The following DLG2 variants were observed in gnomAD, a reference collection of about 807,000 sequenced individuals.
DLG2 encodes the protein disks large homolog 2.
DLG2 carries 45 observed loss-of-function variants against 132.5 expected under a neutral mutation model. The observed-to-expected ratio is 0.34, with a 90% CI of 0.27 to 0.44. The LOEUF (loss-of-function observed/expected upper bound fraction) is 0.44, where lower values mean the gene tolerates loss of function less well. Ranked by LOEUF, DLG2 falls within the 20% of genes least tolerant of loss-of-function variation. The pLI is 1.00. For synonymous variants in DLG2, 424 were observed against 419.6 expected, an observed-to-expected ratio of 1.01 and a Z score of -0.13; for missense variants, 1,045 against 1,196.9, an observed-to-expected ratio of 0.87 and a Z score of 1.87.
intron 18 of DLG2, among the ~76,000 whole-genome samples, chr11:83,715,102 T>C (rs1032936633): frequency 3.3e-5 from 5 of 152,098 alleles, no homozygotes; most frequent in African/African-American, 1.2e-4. Context: ...TGAGTTCATG[T>C]CCTTGCAAGG....
chr11:85,217,082 A>G lies in DLG2; in HGVS notation c.187-62431T>C, dbSNP rs2082663548. ...ACTTTTAAATATTTTATTTCATTTT[A>G]TCCCCAAAACAATATTGTGATATTG... On this transcript the variant is annotated intron_variant, in intron 4 of 27. Coordinates refer to ENST00000376104, the MANE Select transcript of DLG2 (RefSeq NM_001142699.3). Among the ~76,000 whole-genome samples the G allele has an allele frequency of 3.9e-5, 6 of 152,130 alleles. No homozygotes were observed. The South Asian group carries it at 1.2e-3, about 32-fold the overall frequency.
intron 6 of DLG2, among the ~76,000 whole-genome samples, chr11:84,677,575 CTA>C: frequency 6.6e-6 from 1 of 152,130 alleles, no homozygotes; most frequent in African/African-American, 2.4e-5. Context: ...TTACAAAACA[CTA>C]TATCAGTTCA....
intron 6 of DLG2, among the ~76,000 whole-genome samples, chr11:84,655,730 T>G (rs954282631): frequency 6.8e-6 from 1 of 146,136 alleles, no homozygotes; most frequent in Non-Finnish European, 1.5e-5. Context: ...CTTTGTTTTT[T>G]TTTGTTTGTT....
chr11:85,203,986 C>T (rs1382946662), intron 4 of DLG2, among the ~76,000 whole-genome samples: 2 of 152,072 alleles, frequency 1.3e-5, no homozygotes, highest in East Asian at 3.8e-4. Context: ...AATTCAACAT[C>T]TCTTTATGAT....
intron 14 of DLG2, among the ~76,000 whole-genome samples, chr11:83,949,638 C>A (rs1349823618): frequency 1.3e-5 from 2 of 152,154 alleles, no homozygotes; most frequent in East Asian, 1.9e-4. Context: ...TTCTAGGATA[C>A]AATGTAGTAT....
At chr11:85,416,993 G>A (rs2089919947) in intron 3 of DLG2, among the ~76,000 whole-genome samples, 1 of 152,138 alleles carries the variant, frequency 6.6e-6, no homozygotes, top group Non-Finnish European at 1.5e-5. Flanking sequence ...AATAGGAGTG[G>A]TGAGAGAGGG....
intron 5 of DLG2, among the ~76,000 whole-genome samples, chr11:85,134,084 C>T (rs1035348844): frequency 6.6e-6 from 1 of 151,938 alleles, no homozygotes; most frequent in African/African-American, 2.4e-5. Context: ...GAATGGAAAG[C>T]ACTGCCTGAC....
At chr11:85,444,029 G>T (rs1277462799) in intron 3 of DLG2, among the ~76,000 whole-genome samples, 2 of 151,964 alleles carry the variant, frequency 1.3e-5, no homozygotes, top group African/African-American at 4.8e-5. Flanking sequence ...TTCACCAATG[G>T]CAAAGTATGA....
intron 3 of DLG2, among the ~76,000 whole-genome samples, chr11:85,519,303 C>T (rs907127232): frequency 3.9e-5 from 6 of 152,230 alleles, no homozygotes; most frequent in Non-Finnish European, 5.9e-5. Context: ...TGAAAAACCA[C>T]AGGGGCAGAG....
chr11:83,871,727 C>A (rs2063486469), intron 16 of DLG2, among the ~76,000 whole-genome samples: 1 of 152,130 alleles, frequency 6.6e-6, no homozygotes, highest in Non-Finnish European at 1.5e-5. Context: ...TGAGACTTCG[C>A]CTTCTAAATA....
intron 3 of DLG2, among the ~76,000 whole-genome samples, chr11:85,586,395 G>C (rs868152353): frequency 1.3e-5 from 2 of 152,092 alleles, no homozygotes; most frequent in Non-Finnish European, 2.9e-5. Context: ...CTTGTTATTG[G>C]TCTGTTCAGA....
At chr11:84,371,262 T>C (rs1024831062) in intron 7 of DLG2, among the ~76,000 whole-genome samples, 8 of 140,452 alleles carry the variant, frequency 5.7e-5, no homozygotes, top group African/African-American at 2.0e-4. Context: ...ACAAAATCTT[T>C]TTTTTTTTTT....
chr11:83,850,309 A>G (rs1177312689), intron 16 of DLG2, among the ~76,000 whole-genome samples: 2 of 151,278 alleles, frequency 1.3e-5, no homozygotes, highest in African/African-American at 2.4e-5. Context: ...ATGTGCCACC[A>G]CTCCCGGCTA....
At chr11:84,685,538 T>C (rs1472183275) in intron 6 of DLG2, among the ~76,000 whole-genome samples, 2 of 152,232 alleles carry the variant, frequency 1.3e-5, no homozygotes, top group Non-Finnish European at 2.9e-5. Flanking sequence ...ATATTACCCA[T>C]TCTTTTCCTG....
intron 3 of DLG2, among the ~76,000 whole-genome samples, chr11:85,343,427 T>G (rs1565351646): frequency 6.6e-6 from 1 of 152,296 alleles, no homozygotes; most frequent in East Asian, 1.9e-4. Context: ...GATTGTGACC[T>G]GTTCATTTTT....
At chr11:84,238,524 A>AG (rs2097187712) in intron 8 of DLG2, among the ~76,000 whole-genome samples, 2 of 152,010 alleles carry the variant, frequency 1.3e-5, no homozygotes, top group East Asian at 3.9e-4. Context: ...TGTCTCAAAA[A>AG]AGAAAAAGAA....
chr11:84,785,137 C>T (rs1022784746), intron 6 of DLG2, among the ~76,000 whole-genome samples: 6 of 151,834 alleles, frequency 4.0e-5, no homozygotes, highest in African/African-American at 1.5e-4. Flanking sequence ...GATCAGGCTG[C>T]AAAACAAGGC....
chr11:83,764,191 T>C (rs1177053749), intron 18 of DLG2, among the ~76,000 whole-genome samples: 1 of 152,176 alleles, frequency 6.6e-6, no homozygotes, highest in East Asian at 1.9e-4. Flanking sequence ...AAGCATTGGC[T>C]ACCAGATCCC....
At chr11:83,767,225 AATTTT>A (rs1341768282) in intron 18 of DLG2, among the ~76,000 whole-genome samples, 10 of 152,110 alleles carry the variant, frequency 6.6e-5, no homozygotes, top group African/African-American at 2.4e-4. Context: ...TTTAGGATAA[AATTTT>A]ATTTTATATT....
Sources: gnomAD v4.1 joint callset for allele counts (sites outside exome capture counted in the v4.1 genomes callset) on GRCh38, gnomAD v4.1.1 for gene constraint, MANE v1.5 for transcripts, NCBI Gene and HGNC (gene_info 2026-07-23, HGNC 2026-07-21) for gene names.